HECW2: variants seen among roughly 807,000 people sequenced by gnomAD.
The protein encoded by HECW2 is HECT, C2 and WW domain containing E3 ubiquitin protein ligase 2, also known as E3 ubiquitin-protein ligase HECW2.
A neutral mutation model predicts 175.2 loss-of-function variants in HECW2; 61 were observed. The ratio of observed to expected loss-of-function variants is 0.35; its 90% CI spans 0.28 to 0.43. The LOEUF is 0.43. HECW2 is among the 20% of genes least tolerant of loss of function. The pLI, the probability that HECW2 is intolerant of heterozygous loss-of-function variation, is 1.00. For missense variants in HECW2, 1,524 were observed against 2,000.5 expected (o/e 0.76, Z 4.54); for synonymous variants, 671 against 731.0 (o/e 0.92, Z 1.32).
intron 10 of HECW2, among the ~76,000 whole-genome samples, chr2:196,313,828 G>C (rs371631968): frequency 6.6e-6 from 1 of 152,184 alleles, no homozygotes; most frequent in South Asian, 2.1e-4. Flanking sequence ...AAGGTGGGAG[G>C]ATTGCTTGAG....
intron 1 of HECW2, among the ~76,000 whole-genome samples, chr2:196,461,638 C>G (rs966796688): frequency 6.6e-6 from 1 of 152,066 alleles, no homozygotes; most frequent in African/African-American, 2.4e-5. Context: ...CGGGGGAGGC[C>G]TCAGGAAACT....
chr2:196,568,387 T>C (rs1371312503), intron 1 of HECW2, among the ~76,000 whole-genome samples: 5 of 152,122 alleles, frequency 3.3e-5, no homozygotes, highest in Admixed American at 3.3e-4. Context: ...GAAGTGTGAG[T>C]AAAATACATG....
intron 13 of HECW2, among the ~76,000 whole-genome samples, chr2:196,300,676 A>ATATATC (rs769718486): frequency 0.042 from 6,265 of 150,834 alleles, 413 homozygotes; most frequent in African/African-American, 0.14. Context: ...ATCTATACAT[A>ATATATC]TATATCTATA....
chr2:196,430,053 G>A (rs1364101571), intron 2 of HECW2, among the ~76,000 whole-genome samples: 1 of 152,188 alleles, frequency 6.6e-6, no homozygotes, highest in African/African-American at 2.4e-5. Flanking sequence ...CAGGTATCCA[G>A]CTAAGACATC....
At chr2:196,380,822 A>G (rs539474002) in intron 2 of HECW2, among the ~76,000 whole-genome samples, 1 of 152,320 alleles carries the variant, frequency 6.6e-6, no homozygotes, top group South Asian at 2.1e-4. Flanking sequence ...ATAAAAGGCA[A>G]GTCATAATAA....
Position 196,472,481 on chromosome 2 carries a change from CAAAAAAA to C in HECW2, c.-35-39030_-35-39024del, listed in dbSNP as rs538116476. On this transcript the variant is annotated intron_variant, in intron 1 of 28. Transcript: ENST00000644978. ...CCAGCCTGGGTGACAGAGACTCCGT[CAAAAAAA>C]AAAAAAAAAAAAAAAAGTGAAATAG... is the stretch of plus-strand genomic sequence containing the variant. Among the ~76,000 whole-genome samples the C allele has an allele frequency of 1.0e-3, 72 of 71,392 alleles. No homozygotes were observed. The East Asian group carries it at 0.016, about 16-fold the overall frequency. The allele number at this position is 71,392 out of a possible 152,430, so 46.8% of individuals were successfully genotyped here. A position where few individuals can be genotyped will look rare whatever the true frequency, so the allele number is the denominator to read the frequency against.
At chr2:196,202,820 G>A (rs755858538) in intron 28 of HECW2, among the ~76,000 whole-genome samples, 3 of 152,126 alleles carry the variant, frequency 2.0e-5, no homozygotes, top group Non-Finnish European at 4.4e-5. Flanking sequence ...GGCACCAGAA[G>A]TGCTTTGGAT....
At chr2:196,245,170 A>C (rs1688601087) in intron 19 of HECW2, among the ~76,000 whole-genome samples, 1 of 152,212 alleles carries the variant, frequency 6.6e-6, no homozygotes, top group Middle Eastern at 3.2e-3. Context: ...GCATGATGAT[A>C]ATATAAAGTG....
At chr2:196,566,507 T>C (rs1433006128) in intron 1 of HECW2, among the ~76,000 whole-genome samples, 4 of 151,450 alleles carry the variant, frequency 2.6e-5, no homozygotes, top group African/African-American at 7.3e-5. Flanking sequence ...GCATATTATA[T>C]ATACCAGAAA....
At chr2:196,440,745 C>T (rs529824628) in intron 1 of HECW2, among the ~76,000 whole-genome samples, 53 of 152,122 alleles carry the variant, frequency 3.5e-4, no homozygotes, top group African/African-American at 1.2e-3. Flanking sequence ...AAAATAAAGG[C>T]GACGGCAAGG....
At chr2:196,260,913 C>A (rs1168737517) in intron 17 of HECW2, among the ~76,000 whole-genome samples, 1 of 152,184 alleles carries the variant, frequency 6.6e-6, no homozygotes, top group Admixed American at 6.5e-5. Flanking sequence ...CTTCGATGAT[C>A]AAAGCACATG....
intron 1 of HECW2, chr2:196,592,436 G>C (rs1691232474): frequency 6.6e-6 from 1 of 152,202 alleles, no homozygotes; most frequent in African/African-American, 2.4e-5. Flanking sequence ...GCTGCTAATA[G>C]TGAAGACAAG....
chr2:196,350,223 G>A (rs578236130), intron 2 of HECW2, among the ~76,000 whole-genome samples: 2 of 152,228 alleles, frequency 1.3e-5, no homozygotes, highest in South Asian at 4.1e-4. Context: ...AAATTAGCTG[G>A]GTGTGGAGGC....
intron 23 of HECW2, among the ~76,000 whole-genome samples, chr2:196,224,296 G>C (rs1308783402): frequency 6.6e-6 from 1 of 152,134 alleles, no homozygotes; most frequent in Admixed American, 6.5e-5. Flanking sequence ...TGAGATCCTT[G>C]TAAGACATCC....
At chr2:196,293,001 T>C (rs2106032314) in intron 13 of HECW2, among the ~76,000 whole-genome samples, 1 of 152,082 alleles carries the variant, frequency 6.6e-6, no homozygotes, top group Admixed American at 6.5e-5. Flanking sequence ...AACTTTTATT[T>C]GTATTTGAAG....
At chr2:196,434,886 T>C (rs140325341) in intron 1 of HECW2, among the ~76,000 whole-genome samples, 4 of 152,268 alleles carry the variant, frequency 2.6e-5, no homozygotes, top group South Asian at 4.1e-4. Context: ...AAAGTAACCT[T>C]GGGTGCAATA....
rs147918704 is a variant in HECW2, at chr2:196,509,579, T to C, written c.-35-76121A>G. ...CATTAGCATACAAAAAGGCATCACTTTGGGGATCCCAAGGATTTTAAACAT... is the reference window on the plus strand; with the variant it reads ...CATTAGCATACAAAAAGGCATCACTCTGGGGATCCCAAGGATTTTAAACAT... On this transcript the variant is annotated intron_variant, in intron 1 of 28. Coordinates refer to ENST00000644978, the MANE Select transcript of HECW2 (RefSeq NM_001348768.2). Among the ~76,000 whole-genome samples the C allele has an allele frequency of 1.4e-4, 21 of 152,290 alleles. No individual in the cohort carries two copies. The East Asian group carries it at 3.7e-3, about 27-fold the overall frequency.
At chr2:196,296,006 A>G (rs764513133) in intron 13 of HECW2, among the ~76,000 whole-genome samples, 2 of 152,216 alleles carry the variant, frequency 1.3e-5, no homozygotes, top group Non-Finnish European at 2.9e-5. Flanking sequence ...TAGTAAGTAC[A>G]TGACTGTTAG....
chr2:196,568,049 CATTGA>C (rs1175881477), intron 1 of HECW2, among the ~76,000 whole-genome samples: 1 of 152,024 alleles, frequency 6.6e-6, no homozygotes, highest in African/African-American at 2.4e-5. Context: ...TTCCTAGAAA[CATTGA>C]ATTGTTCTAA....
Sources: gnomAD v4.1 joint callset for allele counts (sites outside exome capture counted in the v4.1 genomes callset) on GRCh38, gnomAD v4.1.1 for gene constraint, MANE v1.5 for transcripts, NCBI Gene and HGNC (gene_info 2026-07-23, HGNC 2026-07-21) for gene names.